Variants in UBE3B observed in about 807,000 individuals in gnomAD.
UBE3B encodes ubiquitin protein ligase E3B.
Under a neutral mutation model 132.3 loss-of-function variants are expected in UBE3B, and 80 were observed. The observed-to-expected ratio is 0.60, with a 90% CI of 0.50 to 0.73. UBE3B has a LOEUF of 0.73. Among genes scored for constraint, UBE3B ranks in the 30% least tolerant of loss-of-function variants. The pLI, the probability that UBE3B is intolerant of heterozygous loss-of-function variation, is 0.00. For synonymous variants in UBE3B, 487 were observed against 520.4 expected (o/e 0.94, Z 0.87); for missense variants, 1,196 against 1,362.5 (o/e 0.88, Z 1.92).
Position 109,516,718 on chromosome 12 carries a change from G to A in UBE3B, c.1957-47G>A, listed in dbSNP as rs148438432. 7.7e-4 allele frequency: 1,224 copies of A among 1,593,834 alleles called. 8 individuals are homozygous for A. In the Admixed American group the frequency reaches 0.017, roughly 22 times the overall value. ...TTTTGCAGAGTGTTTTTATGGAATC[G>A]TCAGTTTGCTGACCCTGTTTTCTGA... On this transcript the variant is annotated intron_variant, in intron 18 of 27. Coordinates refer to ENST00000342494, the MANE Select transcript of UBE3B (RefSeq NM_130466.4).
intron 6 of UBE3B, among the ~76,000 whole-genome samples, chr12:109,487,924 CTG>C (rs1341960193): frequency 1.3e-5 from 2 of 152,182 alleles, no homozygotes; most frequent in Non-Finnish European, 2.9e-5. Flanking sequence ...GCTATAGGGT[CTG>C]TGGGCCTAGA....
intron 10 of UBE3B, 100 bp downstream of exon 10, chr12:109,498,023 C>A: frequency 7.2e-7 from 1 of 1,391,036 alleles, no homozygotes; most frequent in Non-Finnish European, 1.0e-6. Flanking sequence ...ATTTCCACAC[C>A]TCCCTTTAAT....
At chr12:109,491,289 C>G (rs544232055) in intron 9 of UBE3B, 162 bp downstream of exon 9, 9 of 515,242 alleles carry the variant, frequency 1.7e-5, no homozygotes, top group Non-Finnish European at 2.6e-5. Context: ...TGTGACTGCT[C>G]AAACTTTTTC....
chr12:109,495,959 C>T (rs1180184273), intron 9 of UBE3B, among the ~76,000 whole-genome samples: 1 of 152,156 alleles, frequency 6.6e-6, no homozygotes, highest in African/African-American at 2.4e-5. Context: ...GTTTTGGGGC[C>T]AGTTTATGGC....
the UBE3B span, among the ~76,000 whole-genome samples, chr12:109,544,631 G>T: frequency 6.6e-6 from 1 of 152,116 alleles, no homozygotes; most frequent in Non-Finnish European, 1.5e-5. Flanking sequence ...CACTCCATGT[G>T]GTCCCCTCTG....
downstream of UBE3B, among the ~76,000 whole-genome samples, chr12:109,537,728 A>G (rs1883506440): frequency 6.6e-6 from 1 of 152,056 alleles, no homozygotes; most frequent in Non-Finnish European, 1.5e-5. Context: ...TTTTTTTGAG[A>G]TGGAGTCTCG....
chr12:109,498,270 A>T lies in UBE3B; in HGVS notation c.857A>T (p.Lys286Ile), dbSNP rs1878494891. 1 of 1,613,952 alleles carries T rather than the reference A, an allele frequency of 6.2e-7. No individual in the cohort carries two copies. ...TTAGAATCCCATGACATGCTTCGTA[A>T]ATTCATCATATTTTTAAGAGACCAA... ...TVLESHDMLRKFIIFLRDQDR... is the reference protein window; with the variant it reads ...TVLESHDMLRIFIIFLRDQDR... Residue 286 changes from lysine (K) to isoleucine (I), a missense_variant, in exon 11 of 28, where the codon AAA becomes ATA. By Grantham distance (102) the Lys-to-Ile change is moderately radical. Coordinates refer to ENST00000342494, the MANE Select transcript of UBE3B (RefSeq NM_130466.4).
In UBE3B at chr12:109,522,584, G is replaced by A. The variant is rs77891045; in HGVS notation, c.2364+1033G>A. ...TCGCATACCCCAGGAACCTGGAGAA[G>A]CCAGATGCTTTCCAAACAGAAAGAG... On this transcript the variant is annotated intron_variant, in intron 21 of 27. Coordinates refer to ENST00000342494, the MANE Select transcript of UBE3B (RefSeq NM_130466.4). This position sits in a 1 kb window ranked among gnomAD's most constrained non-coding sequence, Gnocchi z 4.2. 0.018 allele frequency among the ~76,000 whole-genome samples: 2,687 copies of A among 152,312 alleles called. 84 individuals are homozygous for A. The highest frequency in any genetic ancestry group is 0.061 in the African/African-American group (2,529 of 41,536).
chr12:109,526,257 C>A, intron 23 of UBE3B, 101 bp from the exon 24 acceptor site: 1 of 1,207,304 alleles, frequency 8.3e-7, no homozygotes, highest in Non-Finnish European at 1.2e-6. Context: ...ATCTTAATTC[C>A]ATCATTATCA....
At chr12:109,530,683 G>A in intron 26 of UBE3B, 25 bp downstream of exon 26, 1 of 1,596,998 alleles carries the variant, frequency 6.3e-7, no homozygotes, top group Non-Finnish European at 8.6e-7. Flanking sequence ...ACCTATGCAT[G>A]CATGCATGTA....
At chr12:109,480,667 C>T (rs1566067184) in intron 1 of UBE3B, among the ~76,000 whole-genome samples, 1 of 148,212 alleles carries the variant, frequency 6.7e-6, no homozygotes, top group African/African-American at 2.5e-5. Flanking sequence ...AAAAAAAAGA[C>T]TTAGACATTC....
downstream of UBE3B, among the ~76,000 whole-genome samples, chr12:109,536,926 A>G (rs1883473229): frequency 6.6e-6 from 1 of 152,190 alleles, no homozygotes; most frequent in Non-Finnish European, 1.5e-5. Flanking sequence ...AGCACCCTCT[A>G]TGGGCCCATC....
At chr12:109,481,343 T>C (rs1296225560) in intron 1 of UBE3B, among the ~76,000 whole-genome samples, 1 of 151,770 alleles carries the variant, frequency 6.6e-6, no homozygotes, top group Non-Finnish European at 1.5e-5. Flanking sequence ...ATGTCAAATA[T>C]AATTTTCAGT....
chr12:109,529,581 C>T (rs760479443), intron 24 of UBE3B, among the ~76,000 whole-genome samples: 10 of 152,204 alleles, frequency 6.6e-5, no homozygotes, highest in African/African-American at 1.9e-4. Context: ...CCTCTTCTTA[C>T]GTGGGGAATG....
rs936294424 is a variant in UBE3B, at chr12:109,535,097, C to T, written c.*315C>T. On this transcript the variant is annotated 3_prime_UTR_variant, in exon 28 of 28. Coordinates refer to ENST00000342494, the MANE Select transcript of UBE3B (RefSeq NM_130466.4). ...TTTGATCTTTTGGGAGTCTGTCTTT[C>T]CTTAGCCGTCTGAGTGAGCTGTGTA... 4.1e-6 allele frequency: 1 copy of T among 244,974 alleles called. No individual in the cohort carries two copies. 15.2% of individuals were successfully genotyped at this position (244,974 alleles called of 1,614,324 possible).
intron 18 of UBE3B, 46 bp downstream of exon 18, chr12:109,511,349 C>T (rs751840457): frequency 1.3e-6 from 2 of 1,563,812 alleles, no homozygotes; most frequent in Admixed American, 1.7e-5. Context: ...TTCTATTCCC[C>T]CACGTGGTTC....
the UBE3B span, among the ~76,000 whole-genome samples, chr12:109,547,405 T>G: frequency 6.6e-6 from 1 of 152,220 alleles, no homozygotes; most frequent in Non-Finnish European, 1.5e-5. This position sits in a 1 kb window ranked among gnomAD's most constrained non-coding sequence, Gnocchi z 4.1. Context: ...CATCATCGAG[T>G]TCCATCCTGA....
chr12:109,514,878 A>G (rs1305057301), intron 18 of UBE3B, among the ~76,000 whole-genome samples: 1 of 151,682 alleles, frequency 6.6e-6, no homozygotes, highest in Non-Finnish European at 1.5e-5. Flanking sequence ...TTCACTGAAC[A>G]GTAGTTCCTC....
chr12:109,538,389 G>A (rs768591150), downstream of UBE3B, among the ~76,000 whole-genome samples: 6 of 152,318 alleles, frequency 3.9e-5, no homozygotes, highest in South Asian at 2.1e-4. The surrounding 1 kb of genome is among the most constrained non-coding windows in gnomAD (Gnocchi z 4.1). Context: ...GAAGCAGAGC[G>A]TGGGCTCTGG....
Sources: gnomAD v4.1 joint callset for allele counts (sites outside exome capture counted in the v4.1 genomes callset) on GRCh38, gnomAD v4.1.1 for gene constraint, Gnocchi (gnomAD v3.1) non-coding constraint, MANE v1.5 for transcripts, NCBI Gene and HGNC (gene_info 2026-07-23, HGNC 2026-07-21) for gene names.